The following PPP3CA variants were observed in gnomAD, a reference collection of about 807,000 sequenced individuals.
PPP3CA encodes the protein CAM-PRP catalytic subunit.
PPP3CA carries 14 observed loss-of-function variants against 66.5 expected under a neutral mutation model. The observed-to-expected ratio is 0.21, with a 90% CI of 0.14 to 0.33. The LOEUF is 0.33. PPP3CA is among the 10% of genes least tolerant of loss of function. PPP3CA has a pLI of 1.00. For missense variants in PPP3CA, 317 were observed against 639.5 expected (o/e 0.50, Z 5.44); for synonymous variants, 232 against 226.2 (o/e 1.03, Z -0.23).
intron 1 of PPP3CA, among the ~76,000 whole-genome samples, chr4:101,272,377 T>C (rs1727362581): frequency 6.6e-6 from 1 of 152,170 alleles, no homozygotes. Flanking sequence ...CCAATTCTGT[T>C]AACCCCCAAA....
intron 2 of PPP3CA, among the ~76,000 whole-genome samples, chr4:101,169,192 C>G (rs1418531882): frequency 6.6e-6 from 1 of 152,098 alleles, no homozygotes; most frequent in Non-Finnish European, 1.5e-5. Context: ...AAACTGAGTG[C>G]CTAGTATGGT....
chr4:101,318,421 T>A (rs140048190), intron 1 of PPP3CA, among the ~76,000 whole-genome samples: 269 of 152,254 alleles, frequency 1.8e-3, no homozygotes, highest in African/African-American at 6.3e-3. Context: ...TATAAAGAAA[T>A]CACAGAAGTG....
chr4:101,061,765 A>C (rs1000532805), intron 9 of PPP3CA, among the ~76,000 whole-genome samples: 12 of 152,106 alleles, frequency 7.9e-5, no homozygotes, highest in South Asian at 2.1e-4. Context: ...AAATTTACTT[A>C]ATAGATTACA....
chr4:101,142,189 C>G (rs1722832393), intron 2 of PPP3CA, among the ~76,000 whole-genome samples: 1 of 152,120 alleles, frequency 6.6e-6, no homozygotes, highest in African/African-American at 2.4e-5. Context: ...TAGACTTTGC[C>G]TTCCTGAATA....
chr4:101,299,660 C>T (rs1024314434), intron 1 of PPP3CA, among the ~76,000 whole-genome samples: 1 of 152,012 alleles, frequency 6.6e-6, no homozygotes, highest in Non-Finnish European at 1.5e-5. Flanking sequence ...CAGTTTTGTC[C>T]TCTAACTCTT....
chr4:101,087,010 G>A (rs193034248), intron 6 of PPP3CA, among the ~76,000 whole-genome samples: 124 of 152,278 alleles, frequency 8.1e-4, no homozygotes, highest in Admixed American at 1.6e-3. Context: ...AATACACAAG[G>A]AGGAAGCCAC....
intron 7 of PPP3CA, among the ~76,000 whole-genome samples, chr4:101,081,233 A>C (rs1729427540): frequency 6.6e-6 from 1 of 152,152 alleles, no homozygotes; most frequent in African/African-American, 2.4e-5. Flanking sequence ...TAGACTAAGT[A>C]ATTTTCTTTA....
chr4:101,147,638 T>C (rs536465834), intron 2 of PPP3CA, among the ~76,000 whole-genome samples: 2 of 152,270 alleles, frequency 1.3e-5, no homozygotes, highest in East Asian at 3.9e-4. Context: ...AAAACTGTAA[T>C]GCATTCAATT....
intron 1 of PPP3CA, among the ~76,000 whole-genome samples, chr4:101,297,840 C>T (rs2110295726): frequency 6.6e-6 from 1 of 152,258 alleles, no homozygotes; most frequent in East Asian, 1.9e-4. Context: ...TGTTGAAATA[C>T]AACTGTTTGA....
intron 1 of PPP3CA, among the ~76,000 whole-genome samples, chr4:101,200,359 G>C (rs1724929408): frequency 6.6e-6 from 1 of 152,156 alleles, no homozygotes; most frequent in African/African-American, 2.4e-5. Context: ...GAGACTGTTT[G>C]AGGGAAAGAA....
chr4:101,172,190 AT>A (rs1267766714), intron 2 of PPP3CA, among the ~76,000 whole-genome samples: 2 of 152,132 alleles, frequency 1.3e-5, no homozygotes, highest in Non-Finnish European at 2.9e-5. Context: ...AAGGGAAAAA[AT>A]CCTCAACATG....
intron 1 of PPP3CA, among the ~76,000 whole-genome samples, chr4:101,275,814 G>A (rs1488287709): frequency 6.6e-6 from 1 of 151,080 alleles, no homozygotes; most frequent in East Asian, 1.9e-4. Flanking sequence ...TGTTTGTTTT[G>A]GGGTGGTGTG....
At chr4:101,147,709 A>AAC (rs1272954419) in intron 2 of PPP3CA, among the ~76,000 whole-genome samples, 127 of 151,228 alleles carry the variant, frequency 8.4e-4, no homozygotes, top group Non-Finnish European at 1.1e-3. Context: ...ACTCTATATA[A>AAC]ACACACACAC....
intron 1 of PPP3CA, among the ~76,000 whole-genome samples, chr4:101,202,639 G>A (rs1041672808): frequency 8.5e-5 from 13 of 152,090 alleles, no homozygotes; most frequent in Admixed American, 7.9e-4. Context: ...CATCACTTGC[G>A]TGTTTGAAAG....
intron 1 of PPP3CA, among the ~76,000 whole-genome samples, chr4:101,335,576 C>T (rs752320695): frequency 6.6e-6 from 1 of 152,048 alleles, no homozygotes. Flanking sequence ...CCAGATTAGG[C>T]GTTTGACAAC....
In PPP3CA at chr4:101,061,131, A is replaced by G; in HGVS notation, c.1112T>C (p.Ile371Thr). The G allele has an allele frequency of 6.2e-7, 1 of 1,612,424 alleles. No homozygotes were observed. Among genetic ancestry groups the G allele is most frequent in the Non-Finnish European group, 8.5e-7 (1 of 1,178,834 alleles). Residue 371 changes from isoleucine to threonine, a missense_variant, in exon 10 of 14, where the codon ATC becomes ACC. Transcript: ENST00000394854. ...VTEMLVNVLN[I>T]CSDDELGSEE... ...TGACCCTAGTTCATCATCTGAGCAGATGTTGAGGACATTTACCAGCATCTC... is the reference window on the plus strand; with the variant it reads ...TGACCCTAGTTCATCATCTGAGCAGGTGTTGAGGACATTTACCAGCATCTC...
At chr4:101,144,151 T>C (rs185785159) in intron 2 of PPP3CA, among the ~76,000 whole-genome samples, 1 of 152,338 alleles carries the variant, frequency 6.6e-6, no homozygotes, top group East Asian at 1.9e-4. Flanking sequence ...GAAGTTTAGA[T>C]GGAATTTCTG....
intron 1 of PPP3CA, 93 bp from the exon 2 acceptor site, chr4:101,196,209 C>T: frequency 8.8e-7 from 1 of 1,130,658 alleles, no homozygotes; most frequent in Non-Finnish European, 1.2e-6. Context: ...CATCACAAAC[C>T]AACTAATATA....
chr4:101,034,426 A>C (rs1727148264), intron 11 of PPP3CA, among the ~76,000 whole-genome samples: 1 of 152,140 alleles, frequency 6.6e-6, no homozygotes, highest in African/African-American at 2.4e-5. Context: ...ATCACCCTTG[A>C]AAAACGATAC....
Sources: gnomAD v4.1 joint callset for allele counts (sites outside exome capture counted in the v4.1 genomes callset) on GRCh38, gnomAD v4.1.1 for gene constraint, MANE v1.5 for transcripts, NCBI Gene and HGNC (gene_info 2026-07-23, HGNC 2026-07-21) for gene names.